The following IL1RAPL2 variants were observed in gnomAD, a reference collection of about 807,000 sequenced individuals.
IL1RAPL2 encodes interleukin 1 receptor accessory protein like 2, also known as X-linked interleukin-1 receptor accessory protein-like 2.
In IL1RAPL2, 3 loss-of-function variants were observed where a neutral mutation model predicts 44.1. The ratio of observed to expected loss-of-function variants is 0.07; its 90% CI spans 0.03 to 0.18. The LOEUF is 0.18. IL1RAPL2 is among the 10% of genes least tolerant of loss of function. IL1RAPL2 has a pLI of 1.00. For synonymous variants in IL1RAPL2, 181 were observed against 178.8 expected (o/e 1.01, Z -0.10); for missense variants, 391 against 496.4 (o/e 0.79, Z 2.02).
chrX:105,478,000 T>C (rs1291010712), intron 5 of IL1RAPL2, among the ~76,000 whole-genome samples: 1 of 111,355 alleles, frequency 9.0e-6, no homozygotes, highest in Non-Finnish European at 1.9e-5. Flanking sequence ...CAATGTCACT[T>C]CTTTGCACAA....
At chrX:105,669,735 C>A (rs2065921217) in intron 6 of IL1RAPL2, among the ~76,000 whole-genome samples, 1 of 110,317 alleles carries the variant, frequency 9.1e-6, no homozygotes, top group Non-Finnish European at 1.9e-5. Context: ...AGAAATCCTT[C>A]ATGTTGCACT....
intron 2 of IL1RAPL2, among the ~76,000 whole-genome samples, chrX:104,917,703 A>G (rs1924501179): frequency 8.9e-6 from 1 of 112,207 alleles, no homozygotes; most frequent in South Asian, 3.7e-4. Context: ...TTTCCAGGTA[A>G]GAATTTAAAC....
At chrX:104,856,023 G>T (rs1922356759) in intron 2 of IL1RAPL2, among the ~76,000 whole-genome samples, 1 of 110,258 alleles carries the variant, frequency 9.1e-6, no homozygotes, top group South Asian at 3.9e-4. Context: ...ACATAAATTT[G>T]TGGTGTGAGT....
chrX:104,747,714 T>C (rs542229784), intron 2 of IL1RAPL2, among the ~76,000 whole-genome samples: 1 of 111,320 alleles, frequency 9.0e-6, no homozygotes, highest in Non-Finnish European at 1.9e-5. Context: ...GGGAATGGCA[T>C]ATGGAAAGGC....
chrX:105,373,318 TGGA>T (rs1243233144), intron 5 of IL1RAPL2, among the ~76,000 whole-genome samples: 1 of 112,264 alleles, frequency 8.9e-6, no homozygotes, highest in Non-Finnish European at 1.9e-5. Flanking sequence ...TGTATGTCTT[TGGA>T]GAAGTGTCTG....
chrX:105,735,866 C>T (rs1038189247), intron 7 of IL1RAPL2, among the ~76,000 whole-genome samples: 17 of 111,045 alleles, frequency 1.5e-4, no homozygotes, highest in African/African-American at 4.9e-4. Flanking sequence ...ATACTCTTCA[C>T]GGAATTAGAA....
At chrX:105,562,548 CAT>C (rs1491380587) in intron 6 of IL1RAPL2, among the ~76,000 whole-genome samples, 3,873 of 103,444 alleles carry the variant, frequency 0.037, 82 homozygotes, top group African/African-American at 0.061. Flanking sequence ...CACACACACA[CAT>C]ACACACACCA....
At chrX:105,525,765 A>T (rs1324116779) in intron 6 of IL1RAPL2, among the ~76,000 whole-genome samples, 1 of 111,471 alleles carries the variant, frequency 9.0e-6, no homozygotes, top group Non-Finnish European at 1.9e-5. Flanking sequence ...AAAAGATAGA[A>T]AACACTTCTC....
At chrX:104,850,466 TCAGA>T (rs980148726) in intron 2 of IL1RAPL2, among the ~76,000 whole-genome samples, 3 of 111,793 alleles carry the variant, frequency 2.7e-5, no homozygotes, top group African/African-American at 9.7e-5. Flanking sequence ...AATTTTTATG[TCAGA>T]CAGAGATATA....
chrX:105,122,821 CTG>C (rs2032938381), intron 2 of IL1RAPL2, among the ~76,000 whole-genome samples: 1 of 111,175 alleles, frequency 9.0e-6, no homozygotes, highest in African/African-American at 3.3e-5. Context: ...AAAATGAAGT[CTG>C]TGCTCTCATA....
chrX:105,328,717 T>C (rs1235791737), intron 5 of IL1RAPL2, among the ~76,000 whole-genome samples: 5 of 112,121 alleles, frequency 4.5e-5, no homozygotes, highest in Non-Finnish European at 9.4e-5. Flanking sequence ...TGTATGATGG[T>C]GGTCCCATAA....
chrX:104,604,472 T>A (rs905290962), intron 1 of IL1RAPL2, among the ~76,000 whole-genome samples: 2 of 110,492 alleles, frequency 1.8e-5, no homozygotes, highest in African/African-American at 6.6e-5. Flanking sequence ...ACCATAAATG[T>A]AAATGGGCTA....
rs1162851462 is a variant in IL1RAPL2 at position 104,730,298 on chromosome X, GTGCCA to G, written c.82+71307_82+71311del. On this transcript the variant is annotated intron_variant, in intron 2 of 10. Coordinates refer to ENST00000372582, the MANE Select transcript of IL1RAPL2 (RefSeq NM_017416.2). ...GCAGGTTAGTTACATATGTATACAT[GTGCCA>G]TGCTGGTGTGCTGCACCCATTAACT... 1.5e-4 allele frequency among the ~76,000 whole-genome samples: 16 copies of G among 104,792 alleles called. No homozygotes were observed. The East Asian group carries it at 4.9e-3, about 32-fold the overall frequency. The allele number at this position is 104,792 out of a possible 115,157, so 91.0% of individuals were successfully genotyped here.
chrX:105,195,773 C>T lies in IL1RAPL2; in HGVS notation c.356+25C>T, dbSNP rs375147324. ...GGTGAGTGTTGTGTGAAAACATTGC[C>T]CAATCACATGGCTGATAGTCTTTTG... On this transcript the variant is annotated intron_variant, in intron 3 of 10. Coordinates refer to ENST00000372582, the MANE Select transcript of IL1RAPL2 (RefSeq NM_017416.2). 9.0e-5 allele frequency: 108 copies of T among 1,196,565 alleles called. No homozygotes were observed. The African/African-American group carries it at 1.8e-3, about 20-fold the overall frequency.
At chrX:105,488,533 G>T (rs914180900) in intron 6 of IL1RAPL2, among the ~76,000 whole-genome samples, 1 of 112,530 alleles carries the variant, frequency 8.9e-6, no homozygotes, top group Non-Finnish European at 1.9e-5. Context: ...AAAGTAAAGT[G>T]ATTGTCATTT....
At chrX:105,643,554 G>A (rs1052737253) in intron 6 of IL1RAPL2, among the ~76,000 whole-genome samples, 1 of 112,107 alleles carries the variant, frequency 8.9e-6, no homozygotes, top group Non-Finnish European at 1.9e-5. Context: ...ACCCTCCCTG[G>A]ATCATGCTTT....
At chrX:105,285,665 G>A in intron 5 of IL1RAPL2, among the ~76,000 whole-genome samples, 1 of 111,797 alleles carries the variant, frequency 8.9e-6, no homozygotes, top group East Asian at 2.8e-4. Flanking sequence ...ATACAATGGT[G>A]CTTTCTGCCA....
chrX:105,618,854 G>A (rs949937394), intron 6 of IL1RAPL2, among the ~76,000 whole-genome samples: 6 of 111,384 alleles, frequency 5.4e-5, no homozygotes, highest in African/African-American at 9.8e-5. Context: ...ACAGAGTTGC[G>A]CGATCCAGAT....
intron 2 of IL1RAPL2, among the ~76,000 whole-genome samples, chrX:104,676,335 A>C (rs1930756747): frequency 9.0e-6 from 1 of 110,969 alleles, no homozygotes; most frequent in African/African-American, 3.3e-5. Flanking sequence ...TCTGTAAAGG[A>C]TTTTATTTCT....
Sources: allele counts gnomAD v4.1 joint callset (sites outside exome capture counted in the v4.1 genomes callset), GRCh38; gene constraint gnomAD v4.1.1; transcripts MANE v1.5; gene names NCBI Gene and HGNC (gene_info 2026-07-23, HGNC 2026-07-21).